Variants in NKAIN3 observed in about 807,000 individuals in gnomAD.
The protein encoded by NKAIN3 is sodium/potassium-transporting ATPase subunit beta-1-interacting protein 3.
A neutral mutation model predicts 30.2 loss-of-function variants in NKAIN3; 25 were observed. That is an observed-to-expected ratio of 0.83 (90% CI 0.60 to 1.16). The LOEUF is 1.16. Ranked by LOEUF, NKAIN3 falls within the 50% of genes most tolerant of loss-of-function variation. NKAIN3 has a pLI of 0.00. For synonymous variants in NKAIN3, 91 were observed against 89.6 expected (o/e 1.02, Z -0.09); for missense variants, 225 against 254.1 (o/e 0.89, Z 0.78).
chr8:62,256,518 C>G (rs1279110916), intron 1 of NKAIN3, among the ~76,000 whole-genome samples: 1 of 152,218 alleles, frequency 6.6e-6, no homozygotes, highest in African/African-American at 2.4e-5. Flanking sequence ...ATCATCCTAA[C>G]AGGCTCTTCA....
At chr8:62,651,443 A>C (rs1240015285) in intron 3 of NKAIN3, among the ~76,000 whole-genome samples, 2 of 152,188 alleles carry the variant, frequency 1.3e-5, no homozygotes, top group East Asian at 1.9e-4. Context: ...TTGTCTTCCT[A>C]GTAGAAAGTC....
intron 4 of NKAIN3, among the ~76,000 whole-genome samples, chr8:62,841,121 A>G (rs1440668018): frequency 6.6e-6 from 1 of 152,110 alleles, no homozygotes; most frequent in Non-Finnish European, 1.5e-5. Flanking sequence ...ATTATAATTA[A>G]GGACCCTAGA....
At position 62,249,045 on chromosome 8, in the gene NKAIN3, G is replaced by A; in HGVS notation, c.-29G>A. 1 of 1,530,204 alleles carries A rather than the reference G, an allele frequency of 6.5e-7. No individual in the cohort carries two copies. The highest frequency in any genetic ancestry group is 8.8e-7 in the Non-Finnish European group (1 of 1,140,218). 94.8% of individuals were successfully genotyped at this position (1,530,204 alleles called of 1,614,324 possible). A position where few individuals can be genotyped will look rare whatever the true frequency, so the allele number is the denominator to read the frequency against. On this transcript the variant is annotated 5_prime_UTR_variant, in exon 1 of 7. Transcript: ENST00000623646. ...CGGCGGAGGACGAGGATCTCTGGCA[G>A]TCAGCGCCGCTCGGACGCCGCCGGC...
At chr8:62,842,716 G>A (rs528869639) in intron 4 of NKAIN3, among the ~76,000 whole-genome samples, 1 of 152,092 alleles carries the variant, frequency 6.6e-6, no homozygotes, top group African/African-American at 2.4e-5. Context: ...ATGCCTTCAT[G>A]GTCAATTGAT....
chr8:62,718,145 C>G (rs1814966809), intron 3 of NKAIN3, among the ~76,000 whole-genome samples: 1 of 152,126 alleles, frequency 6.6e-6, no homozygotes, highest in Admixed American at 6.6e-5. Context: ...GAAAGACAAG[C>G]CCCCATGATT....
At chr8:62,876,468 T>C (rs916268672) in intron 4 of NKAIN3, among the ~76,000 whole-genome samples, 4 of 152,210 alleles carry the variant, frequency 2.6e-5, no homozygotes, top group African/African-American at 9.7e-5. Flanking sequence ...ACTGGGTATA[T>C]ACCCAAAGTA....
chr8:62,821,860 G>A (rs529215222), intron 4 of NKAIN3, among the ~76,000 whole-genome samples: 2 of 147,756 alleles, frequency 1.4e-5, no homozygotes, highest in South Asian at 4.2e-4. Flanking sequence ...TGTAAAATTG[G>A]GAAAATAATG....
chr8:62,825,331 T>A (rs1818986275), intron 4 of NKAIN3, among the ~76,000 whole-genome samples: 1 of 152,222 alleles, frequency 6.6e-6, no homozygotes, highest in Admixed American at 6.5e-5. Flanking sequence ...TATTGGAGAT[T>A]CAACAAATGG....
At chr8:62,582,044 ACTCCCTTCTTTC>A (rs1810318930) in intron 2 of NKAIN3, among the ~76,000 whole-genome samples, 1 of 30,538 alleles carries the variant, frequency 3.3e-5, no homozygotes, top group Non-Finnish European at 7.0e-5. Context: ...ACCCATCCTC[ACTCCCTTCTTTC>A]CTCCCTCCTT....
chr8:62,401,149 T>C (rs1208569106), intron 1 of NKAIN3, among the ~76,000 whole-genome samples: 1 of 152,070 alleles, frequency 6.6e-6, no homozygotes, highest in Non-Finnish European at 1.5e-5. Context: ...TCTCTGTCTG[T>C]GTATTTTCAC....
chr8:62,528,686 A>C (rs563633319), intron 1 of NKAIN3, among the ~76,000 whole-genome samples: 1 of 152,220 alleles, frequency 6.6e-6, no homozygotes, highest in Non-Finnish European at 1.5e-5. Flanking sequence ...CATCTTAGAC[A>C]GCAGACACTA....
intron 4 of NKAIN3, among the ~76,000 whole-genome samples, chr8:62,897,885 G>A (rs1821483243): frequency 6.6e-6 from 1 of 152,088 alleles, no homozygotes; most frequent in South Asian, 2.1e-4. Context: ...AGTTGACGCA[G>A]CCTAAGACCC....
chr8:62,637,775 G>C (rs1362792025), intron 3 of NKAIN3, among the ~76,000 whole-genome samples: 2 of 152,092 alleles, frequency 1.3e-5, no homozygotes, highest in Admixed American at 6.5e-5. Context: ...GGGTCCTTCT[G>C]TCCCACACAT....
intron 4 of NKAIN3, among the ~76,000 whole-genome samples, chr8:62,862,485 A>G (rs937793078): frequency 6.6e-6 from 1 of 152,166 alleles, no homozygotes; most frequent in Non-Finnish European, 1.5e-5. Context: ...AACTAAAATA[A>G]AGAGTGCAAT....
intron 3 of NKAIN3, among the ~76,000 whole-genome samples, chr8:62,691,061 G>A (rs1464861954): frequency 1.3e-5 from 2 of 152,150 alleles, no homozygotes; most frequent in Non-Finnish European, 2.9e-5. Context: ...CAAGTTGTCC[G>A]ACTCTCAGAG....
At chr8:62,280,536 T>C (rs1813143111) in intron 1 of NKAIN3, among the ~76,000 whole-genome samples, 1 of 152,224 alleles carries the variant, frequency 6.6e-6, no homozygotes, top group South Asian at 2.1e-4. Flanking sequence ...CTTATTATTT[T>C]GAGATACGTC....
intron 4 of NKAIN3, among the ~76,000 whole-genome samples, chr8:62,806,282 G>C (rs541926680): frequency 9.8e-5 from 15 of 152,292 alleles, no homozygotes; most frequent in Admixed American, 7.2e-4. Context: ...AATACCATTT[G>C]ACCCAGCCAT....
intron 4 of NKAIN3, among the ~76,000 whole-genome samples, chr8:62,765,709 C>A (rs1816815622): frequency 6.6e-6 from 1 of 152,058 alleles, no homozygotes; most frequent in South Asian, 2.1e-4. Context: ...TAAAAGAAAG[C>A]TTTAAATCAT....
At chr8:62,828,308 A>T (rs866508445) in intron 4 of NKAIN3, among the ~76,000 whole-genome samples, 33 of 152,260 alleles carry the variant, frequency 2.2e-4, no homozygotes, top group Admixed American at 1.6e-3. Context: ...AGGTGATAAA[A>T]CTGTCTTGAG....
Sources: gnomAD v4.1 joint callset for allele counts (sites outside exome capture counted in the v4.1 genomes callset) on GRCh38, gnomAD v4.1.1 for gene constraint, MANE v1.5 for transcripts, NCBI Gene and HGNC (gene_info 2026-07-23, HGNC 2026-07-21) for gene names.